GPR162: variants seen among roughly 807,000 people sequenced by gnomAD.
GPR162 encodes G protein-coupled receptor 162, also known as probable G protein-coupled receptor 162.
A neutral mutation model predicts 44.9 loss-of-function variants in GPR162; 26 were observed. The ratio of observed to expected loss-of-function variants is 0.58; its 90% CI spans 0.42 to 0.80. The LOEUF (loss-of-function observed/expected upper bound fraction) is 0.80. GPR162 is among the 30% of genes least tolerant of loss of function. The pLI, the probability that GPR162 is intolerant of heterozygous loss-of-function variation, is 0.00. For synonymous variants in GPR162, 363 were observed against 335.2 expected (o/e 1.08, Z -0.91); for missense variants, 704 against 802.3 (o/e 0.88, Z 1.48).
chr12:6,824,063 A>G lies in GPR162; in HGVS notation c.165A>G (p.Leu55=), dbSNP rs782423590. The G allele has an allele frequency of 1.2e-6, 2 of 1,613,332 alleles. No individual in the cohort carries two copies. Among genetic ancestry groups the G allele is most frequent in the South Asian group, 2.2e-5 (2 of 91,080 alleles). ...HKPLELLLCF[L]AGTHILMAAV... is the part of the protein sequence containing the mutation. The stretch of plus-strand genomic sequence containing the variant: ...CACTGGAGCTGCTGCTCTGCTTCCT[A>G]GCGGGCACACACATACTCATGGCAG... The change falls in exon 2 of 5, where the codon CTA becomes CTG. Residue 55 remains leucine, a synonymous_variant. Coordinates refer to ENST00000311268, the MANE Select transcript of GPR162 (RefSeq NM_019858.2).
rs1297400756 is a variant in GPR162, at chr12:6,824,982, C to T, written c.867+217C>T. On this transcript the variant is annotated intron_variant, in intron 2 of 4. Coordinates refer to ENST00000311268, the MANE Select transcript of GPR162 (RefSeq NM_019858.2). ...ACTACCCTGTTTACCCCAGCTCCAG[C>T]ATCTGCTTCAGTTCCCACTCCTCAG... 4 of 697,316 alleles carry T rather than the reference C, an allele frequency of 5.7e-6. No individual in the cohort carries two copies. In the African/African-American group the frequency reaches 7.0e-5, roughly 12 times the overall value. 43.2% of individuals were successfully genotyped at this position (697,316 alleles called of 1,614,324 possible). A position where few individuals can be genotyped will look rare whatever the true frequency, so the allele number is the denominator to read the frequency against.
At position 6,827,391 on chromosome 12, in the gene GPR162, T is replaced by C. The variant is rs1347718380; in HGVS notation, c.*187T>C. On this transcript the variant is annotated 3_prime_UTR_variant, in exon 5 of 5. Coordinates refer to ENST00000311268, the MANE Select transcript of GPR162 (RefSeq NM_019858.2). ...TCAGCTTCCATCACCCCTAGCAATA[T>C]GTATTAAAGTCTGAAGTGTTGCCAT... 3.9e-5 allele frequency: 23 copies of C among 595,022 alleles called. No individual in the cohort carries two copies. The East Asian group carries it at 4.2e-4, about 11-fold the overall frequency. 36.9% of individuals were successfully genotyped at this position (595,022 alleles called of 1,614,324 possible). A position where few individuals can be genotyped will look rare whatever the true frequency, so the allele number is the denominator to read the frequency against.
In GPR162 at chr12:6,824,621, A is replaced by G. The variant is rs1051409; in HGVS notation, c.723A>G (p.Val241=). ...GALGTRPAFE[V]PAIVVEDARG... Reference sequence around the variant, plus strand: ...TGGGTACCCGGCCAGCTTTTGAGGTACCAGCCATTGTGGTGGAGGATGCCC... The same window carrying G: ...TGGGTACCCGGCCAGCTTTTGAGGTGCCAGCCATTGTGGTGGAGGATGCCC... Residue 241 remains valine, a synonymous_variant, in exon 2 of 5, where the codon GTA becomes GTG. Coordinates refer to ENST00000311268, the MANE Select transcript of GPR162 (RefSeq NM_019858.2). The G allele has an allele frequency of 0.47, 752,458 of 1,612,182 alleles. 177,918 individuals carry two copies. Among genetic ancestry groups the G allele is most frequent in the African/African-American group, 0.55 (41,037 of 74,864 alleles).
At chr12:6,825,343 C>G in intron 2 of GPR162, 141 bp from the exon 3 acceptor site, 2 of 618,816 alleles carry the variant, frequency 3.2e-6, no homozygotes, top group South Asian at 3.8e-5. Flanking sequence ...CACTCCATCT[C>G]CACCTCCGGC....
In GPR162 at chr12:6,823,667, A is replaced by G. The variant is rs782140614; in HGVS notation, c.-232A>G. ...ATGCTTAAGGAAGGCCCCGCCCAGT[A>G]TGAAAGCTGAGGATTGCCTCTGCTG... On this transcript the variant is annotated 5_prime_UTR_variant, in exon 2 of 5. The change abolishes an upstream ATG in the 5' untranslated region. Coordinates refer to ENST00000311268, the MANE Select transcript of GPR162 (RefSeq NM_019858.2). 3.0e-5 allele frequency: 37 copies of G among 1,225,982 alleles called. No individual in the cohort carries two copies. The African/African-American group carries it at 3.1e-4, about 10-fold the overall frequency. The allele number at this position is 1,225,982 out of a possible 1,614,324, so 75.9% of individuals were successfully genotyped here.
rs1555119705 is a variant in GPR162, at chr12:6,824,603, C to A, written c.705C>A (p.Thr235=). 1.9e-6 allele frequency: 3 copies of A among 1,610,634 alleles called. No individual in the cohort carries two copies. Among genetic ancestry groups the A allele is most frequent in the Non-Finnish European group, 2.5e-6 (3 of 1,178,152 alleles). Residue 235 remains threonine, a synonymous_variant, in exon 2 of 5, where the codon ACC becomes ACA. Coordinates refer to ENST00000311268, the MANE Select transcript of GPR162 (RefSeq NM_019858.2). ...TKAGGPGALG[T]RPAFEVPAIV... ...CGGGTGGGCCAGGGGCCTTGGGTAC[C>A]CGGCCAGCTTTTGAGGTACCAGCCA...
chr12:6,827,011 C>T lies in GPR162; in HGVS notation c.1574C>T (p.Pro525Leu). 6.2e-7 allele frequency: 1 copy of T among 1,613,336 alleles called. No homozygotes were observed. Among genetic ancestry groups the T allele is most frequent in the East Asian group, 2.2e-5 (1 of 44,870 alleles). ...PSPTASPGHSPRRPRPLGLSP... is the reference protein window; with the variant it reads ...PSPTASPGHSLRRPRPLGLSP... Reference sequence around the variant, plus strand: ...CCGACTGCCTCACCAGGGCACTCTCCTCGTCGGCCCCGGCCACTGGGCCTC... The same window carrying T: ...CCGACTGCCTCACCAGGGCACTCTCTTCGTCGGCCCCGGCCACTGGGCCTC... The change falls in exon 5 of 5, where the codon CCT (proline) becomes CTT (leucine). Residue 525 changes from proline (P) to leucine (L), a missense_variant. Transcript: ENST00000311268.
At position 6,824,570 on chromosome 12, in the gene GPR162, G is replaced by GGC; in HGVS notation, c.672_673insGC (p.Thr225AlafsTer68). The GGC allele has an allele frequency of 4.0e-5, 54 of 1,337,246 alleles. No individual in the cohort carries two copies. The highest frequency in any genetic ancestry group is 5.2e-5 in the Non-Finnish European group (49 of 950,878). 82.8% of individuals were successfully genotyped at this position (1,337,246 alleles called of 1,614,324 possible). A position where few individuals can be genotyped will look rare whatever the true frequency, so the allele number is the denominator to read the frequency against. On this transcript the variant is annotated frameshift_variant, in exon 2 of 5. Coordinates refer to ENST00000311268, the MANE Select transcript of GPR162 (RefSeq NM_019858.2). LOFTEE classifies it high-confidence loss of function. ...CCCGGAGAGTGGGGGGTGGTGGGGGGACCAAAGCGGGTGGGCCAGGGGCCT... is the reference window on the plus strand; with the variant it reads ...CCCGGAGAGTGGGGGGTGGTGGGGGGGCACCAAAGCGGGTGGGCCAGGGGCCT...
rs1387876435 is a variant in GPR162 at position 6,824,465 on chromosome 12, G to A, written c.567G>A (p.Gly189=). 1 of 1,614,026 alleles carries A rather than the reference G, an allele frequency of 6.2e-7. No homozygotes were observed. Among genetic ancestry groups the A allele is most frequent in the African/African-American group, 1.3e-5 (1 of 74,892 alleles). ...TTTGCTTCAGCCTCTTGCTACTTGG[G>A]GGAATTGTCATGGGTCTGGTCTGTG... ...FGVCFSLLLL[G]GIVMGLVCVA... is the part of the protein sequence containing the mutation. The change falls in exon 2 of 5, where the codon GGG becomes GGA. Residue 189 remains glycine, a synonymous_variant. Coordinates refer to ENST00000311268, the MANE Select transcript of GPR162 (RefSeq NM_019858.2).
chr12:6,824,312 C>G lies in GPR162; in HGVS notation c.414C>G (p.Val138=). ...CCAAGAAGCAGGCACTGCATGCCGT[C>G]ATGGGCATCTGGATGGTCAGCTTCA... ...SNAKKQALHA[V]MGIWMVSFIL... Residue 138 remains valine, a synonymous_variant, in exon 2 of 5, where the codon GTC becomes GTG. Coordinates refer to ENST00000311268, the MANE Select transcript of GPR162 (RefSeq NM_019858.2). 6.2e-7 allele frequency: 1 copy of G among 1,614,086 alleles called. No homozygotes were observed. Among genetic ancestry groups the G allele is most frequent in the Non-Finnish European group, 8.5e-7 (1 of 1,179,970 alleles).
In GPR162 at chr12:6,826,110, G is replaced by A; in HGVS notation, c.1058-86G>A. 4 of 986,938 alleles carry A rather than the reference G, an allele frequency of 4.1e-6. No homozygotes were observed. In the South Asian group the frequency reaches 5.9e-5, roughly 14 times the overall value. 61.1% of individuals were successfully genotyped at this position (986,938 alleles called of 1,614,324 possible). On this transcript the variant is annotated intron_variant, in intron 3 of 4. Transcript: ENST00000311268. ...CATACATGCTAATGGGAACTAAAGG[G>A]GTCTCTGGGAGCTTATAAAGGCAGT...
intron 4 of GPR162, 74 bp downstream of exon 4, chr12:6,826,427 C>A: frequency 7.2e-7 from 1 of 1,390,704 alleles, no homozygotes; most frequent in Non-Finnish European, 9.8e-7. Flanking sequence ...TTAGGCACCC[C>A]AATCCCCTCT....
In GPR162 at chr12:6,823,753, T is replaced by C. The variant is rs1342199482; in HGVS notation, c.-146T>C. On this transcript the variant is annotated 5_prime_UTR_variant, in exon 2 of 5. It removes the in-frame stop codon of an upstream open reading frame in the 5' UTR. Transcript: ENST00000311268. The stretch of plus-strand genomic sequence containing the variant: ...CTCAGCTGGGTCCATCATGCAATGC[T>C]GAGCACTGGGGTGAGCCTGGGGGCA... 6.8e-6 allele frequency: 11 copies of C among 1,613,076 alleles called. No homozygotes were observed. Among genetic ancestry groups the C allele is most frequent in the Admixed American group, 3.3e-5 (2 of 59,914 alleles).
Position 6,824,547 on chromosome 12 carries a change from C to T in GPR162, c.649C>T (p.Arg217Trp), listed in dbSNP as rs375616091. 2.0e-5 allele frequency: 17 copies of T among 843,716 alleles called. No individual in the cohort carries two copies. Among genetic ancestry groups the T allele is most frequent in the Admixed American group, 8.8e-5 (4 of 45,678 alleles). The allele number at this position is 843,716 out of a possible 1,614,324, so 52.3% of individuals were successfully genotyped here. A position where few individuals can be genotyped will look rare whatever the true frequency, so the allele number is the denominator to read the frequency against. The change falls in exon 2 of 5, where the codon CGG becomes TGG. Residue 217 changes from arginine to tryptophan, a missense_variant. By Grantham distance (101) the Arg-to-Trp change is moderately radical (BLOSUM62 -3). Transcript: ENST00000311268. ...CCGGCCCCGGAGGGCTCGGCAGGCCCGGAGAGTGGGGGGTGGTGGGGGGAC... is the reference window on the plus strand; with the variant it reads ...CCGGCCCCGGAGGGCTCGGCAGGCCTGGAGAGTGGGGGGTGGTGGGGGGAC... Reference protein sequence around the residue: ...WARPRRARQARRVGGGGGTKA... With the variant: ...WARPRRARQAWRVGGGGGTKA...
At position 6,826,711 on chromosome 12, in the gene GPR162, A is replaced by C; in HGVS notation, c.1274A>C (p.Glu425Ala). 6.4e-7 allele frequency: 1 copy of C among 1,554,204 alleles called. No individual in the cohort carries two copies. The highest frequency in any genetic ancestry group is 1.7e-4 in the Middle Eastern group (1 of 5,762). ...DETNIFSTPR[E>A]PGSFLHKWSS... Reference sequence around the variant, plus strand: ...ACAAACATCTTCTCTACCCCTCGGGAACCAGGCTCCTTCCTGCACAAGTGG... The same window carrying C: ...ACAAACATCTTCTCTACCCCTCGGGCACCAGGCTCCTTCCTGCACAAGTGG... The change falls in exon 5 of 5, where the codon GAA becomes GCA. Residue 425 changes from glutamate to alanine, a missense_variant. Physicochemically the swap from Glu to Ala is moderately radical, Grantham distance 107. Coordinates refer to ENST00000311268, the MANE Select transcript of GPR162 (RefSeq NM_019858.2).
chr12:6,827,298 G>T lies in GPR162; in HGVS notation c.*94G>T. On this transcript the variant is annotated 3_prime_UTR_variant, in exon 5 of 5. Transcript: ENST00000311268. ...AGGGCAGCTGCCTCCAGACTCTGGG[G>T]AGACGGGCGCTAGATTTGGGGCTCA... is the stretch of plus-strand genomic sequence containing the variant. The T allele has an allele frequency of 9.5e-7, 1 of 1,051,864 alleles. No homozygotes were observed. Among genetic ancestry groups the T allele is most frequent in the Non-Finnish European group, 1.4e-6 (1 of 736,684 alleles). The allele number at this position is 1,051,864 out of a possible 1,614,324, so 65.2% of individuals were successfully genotyped here.
At position 6,826,658 on chromosome 12, in the gene GPR162, C is replaced by T. The variant is rs1943360574; in HGVS notation, c.1221C>T (p.Pro407=). 1 of 1,519,982 alleles carries T rather than the reference C, an allele frequency of 6.6e-7. No individual in the cohort carries two copies. Among genetic ancestry groups the T allele is most frequent in the African/African-American group, 1.4e-5 (1 of 71,718 alleles). 94.2% of individuals were successfully genotyped at this position (1,519,982 alleles called of 1,614,324 possible). Residue 407 remains proline (P), a synonymous_variant, in exon 5 of 5, where the codon CCC becomes CCT. Transcript: ENST00000311268. ...PLERVHYLQV[P]LSRRLSHDET... is the part of the protein sequence containing the mutation. ...TTACCCGCTCCTCTTCCCAGGTCCCCCTATCCCGGCGTCTGTCCCATGATG... is the reference window on the plus strand; with the variant it reads ...TTACCCGCTCCTCTTCCCAGGTCCCTCTATCCCGGCGTCTGTCCCATGATG...
intron 3 of GPR162, 60 bp downstream of exon 3, chr12:6,825,733 C>T (rs2137947793): frequency 2.8e-6 from 4 of 1,424,968 alleles, no homozygotes; most frequent in East Asian, 2.5e-5. Flanking sequence ...TTTTCTGCCG[C>T]TCCTTCTCAG....
Position 6,827,198 on chromosome 12 carries a change from C to A in GPR162, c.1761C>A (p.Thr587=), listed in dbSNP as rs782019502. The part of the protein sequence containing the change: ...GPGNPIFPQL[T]L ...GCAACCCCATCTTTCCCCAGCTGAC[C>A]CTGTGAGCCCAAGCAGGCCTGCTGA... is the stretch of plus-strand genomic sequence containing the variant. Residue 587 remains threonine (T), a synonymous_variant, in exon 5 of 5, where the codon ACC becomes ACA. Coordinates refer to ENST00000311268, the MANE Select transcript of GPR162 (RefSeq NM_019858.2). The A allele has an allele frequency of 1.9e-6, 3 of 1,603,676 alleles. No individual in the cohort carries two copies. Among genetic ancestry groups the A allele is most frequent in the South Asian group, 2.2e-5 (2 of 90,260 alleles).
Sources: allele counts gnomAD v4.1 joint callset, GRCh38; gene constraint gnomAD v4.1.1; transcripts MANE v1.5; gene names NCBI Gene and HGNC (gene_info 2026-07-23, HGNC 2026-07-21).